The following DESI1 variants were observed in gnomAD, a reference collection of about 807,000 sequenced individuals.
DESI1 encodes the protein desumoylating isopeptidase 1.
Under a neutral mutation model 22.4 loss-of-function variants are expected in DESI1, and 17 were observed. That is an observed-to-expected ratio of 0.76 (90% confidence interval 0.52 to 1.14). The LOEUF (loss-of-function observed/expected upper bound fraction) is 1.14. DESI1 is among the 50% of genes most tolerant of loss of function. The pLI is 0.00. For missense variants in DESI1, 177 were observed against 208.9 expected, an observed-to-expected ratio of 0.85 and a Z score of 0.94; for synonymous variants, 92 against 84.2, an observed-to-expected ratio of 1.09 and a Z score of -0.51.
rs1008401022 is a variant in DESI1 at position 41,607,161 on chromosome 22, AG to A, written c.180+100del. 2.6e-6 allele frequency: 3 copies of A among 1,132,272 alleles called. No homozygotes were observed. The African/African-American group carries it at 4.8e-5, about 18-fold the overall frequency. 70.1% of individuals were successfully genotyped at this position (1,132,272 alleles called of 1,614,324 possible). A position where few individuals can be genotyped will look rare whatever the true frequency, so the allele number is the denominator to read the frequency against. On this transcript the variant is annotated intron_variant, in intron 3 of 5. Coordinates refer to ENST00000263256, the MANE Select transcript of DESI1 (RefSeq NM_015704.3). ...TGAGCCAAGTCTTCAGGTGGCTTTG[AG>A]GAACAATGCCAGAAGTCCATAGTAG...
chr22:41,617,839 T>A (rs569438106), intron 1 of DESI1, among the ~76,000 whole-genome samples: 1 of 152,078 alleles, frequency 6.6e-6, no homozygotes, highest in African/African-American at 2.4e-5. Context: ...AGGGGGCAGG[T>A]CTATTACTCC....
intron 1 of DESI1, among the ~76,000 whole-genome samples, chr22:41,613,323 C>T (rs775316066): frequency 2.6e-5 from 4 of 152,274 alleles, no homozygotes; most frequent in African/African-American, 7.2e-5. Context: ...TTAAAAGAGA[C>T]GATACATGAC....
Position 41,620,777 on chromosome 22 carries a change from G to T in DESI1, c.63C>A (p.Ala21=). 6.2e-7 allele frequency: 1 copy of T among 1,612,320 alleles called. No individual in the cohort carries two copies. Among genetic ancestry groups the T allele is most frequent in the Non-Finnish European group, 8.5e-7 (1 of 1,179,240 alleles). The part of the protein sequence containing the change: ...LYVYDLSKGL[A]RRLSPIMLGK... ...CCAGCATGATGGGGCTGAGCCGCCG[G>T]GCCAGGCCTTTGGACAGGTCGTACA... The change falls in exon 1 of 6, where the codon GCC becomes GCA. Residue 21 remains alanine, a synonymous_variant. Transcript: ENST00000263256.
At chr22:41,608,554 A>G (rs747640005) in intron 1 of DESI1, among the ~76,000 whole-genome samples, 1 of 152,194 alleles carries the variant, frequency 6.6e-6, no homozygotes, top group Non-Finnish European at 1.5e-5. Flanking sequence ...AGATGTGCAC[A>G]TGCATGGCTG....
In DESI1 at chr22:41,601,008, T is replaced by C. The variant is rs1601506975; in HGVS notation, c.*89A>G. 2.5e-6 allele frequency: 3 copies of C among 1,224,130 alleles called. No individual in the cohort carries two copies. Among genetic ancestry groups the C allele is most frequent in the Non-Finnish European group, 3.5e-6 (3 of 856,518 alleles). 75.8% of individuals were successfully genotyped at this position (1,224,130 alleles called of 1,614,324 possible). A position where few individuals can be genotyped will look rare whatever the true frequency, so the allele number is the denominator to read the frequency against. ...GCCGTCCCCTGGTTGTTAGCTCTGA[T>C]GTAAAATTATAAAATAGAAATCTGG... On this transcript the variant is annotated 3_prime_UTR_variant, in exon 6 of 6. Coordinates refer to ENST00000263256, the MANE Select transcript of DESI1 (RefSeq NM_015704.3).
chr22:41,609,227 C>T (rs918077810), intron 1 of DESI1, among the ~76,000 whole-genome samples: 1 of 152,166 alleles, frequency 6.6e-6, no homozygotes, highest in Non-Finnish European at 1.5e-5. Flanking sequence ...CAGGCATGAG[C>T]CACCACACAC....
chr22:41,614,306 G>T (rs2067536528), intron 1 of DESI1, among the ~76,000 whole-genome samples: 1 of 152,050 alleles, frequency 6.6e-6, no homozygotes, highest in African/African-American at 2.4e-5. Flanking sequence ...AAAGTGCAGG[G>T]ATTACAGGGG....
At chr22:41,607,191 C>T in intron 3 of DESI1, 71 bp downstream of exon 3, 1 of 1,417,946 alleles carries the variant, frequency 7.1e-7, no homozygotes, top group East Asian at 2.5e-5. Flanking sequence ...ATAGTAGAAG[C>T]AAAGCTCCTG....
In DESI1 at chr22:41,600,723, T is replaced by G; in HGVS notation, c.*374A>C. 5.1e-6 allele frequency: 1 copy of G among 196,472 alleles called. No homozygotes were observed. The highest frequency in any genetic ancestry group is 1.1e-5 in the Non-Finnish European group (1 of 93,116). The allele number at this position is 196,472 out of a possible 1,614,324, so 12.2% of individuals were successfully genotyped here. A position where few individuals can be genotyped will look rare whatever the true frequency, so the allele number is the denominator to read the frequency against. On this transcript the variant is annotated 3_prime_UTR_variant, in exon 6 of 6. Transcript: ENST00000263256. ...CTGGGTCCCACAGGTGTTGGCAACT[T>G]GGGTAGAGCGTGAGTGTTCTCTGGA...
chr22:41,607,418 G>A, intron 2 of DESI1, 87 bp from the exon 3 acceptor site: 1 of 1,335,374 alleles, frequency 7.5e-7, no homozygotes, highest in South Asian at 1.4e-5. Context: ...AGTAATTTCT[G>A]CCCAAGGATA....
At chr22:41,614,237 C>T (rs1426408903) in intron 1 of DESI1, among the ~76,000 whole-genome samples, 1 of 151,660 alleles carries the variant, frequency 6.6e-6, no homozygotes, top group East Asian at 2.0e-4. Flanking sequence ...GGGGTTTCTC[C>T]ATGCTGGCCA....
chr22:41,598,523 G>A lies in DESI1; in HGVS notation c.*2574C>T, dbSNP rs1174421864. 1 of 152,398 alleles carries A rather than the reference G, an allele frequency of 6.6e-6. No homozygotes were observed. Among genetic ancestry groups the A allele is most frequent in the Non-Finnish European group, 1.5e-5 (1 of 68,182 alleles). The allele number at this position is 152,398 out of a possible 1,614,324, so 9.4% of individuals were successfully genotyped here. ...GGCACAAATGGCTGCTAGTATAAAG[G>A]GGGGTGCTGTTCAAGGAAATGAGTG... On this transcript the variant is annotated 3_prime_UTR_variant, in exon 6 of 6. Coordinates refer to ENST00000263256, the MANE Select transcript of DESI1 (RefSeq NM_015704.3).
At position 41,599,692 on chromosome 22, in the gene DESI1, T is replaced by G. The variant is rs898587357; in HGVS notation, c.*1405A>C. 2 of 152,054 alleles carry G rather than the reference T, an allele frequency of 1.3e-5. No individual in the cohort carries two copies. Among genetic ancestry groups the G allele is most frequent in the Admixed American group, 6.6e-5 (1 of 15,260 alleles). The allele number at this position is 152,054 out of a possible 1,614,324, so 9.4% of individuals were successfully genotyped here. On this transcript the variant is annotated 3_prime_UTR_variant, in exon 6 of 6. Coordinates refer to ENST00000263256, the MANE Select transcript of DESI1 (RefSeq NM_015704.3). ...CTCCTGCCTCAGCCTCCCGAGTAGC[T>G]GGGACTACAGGCATGCGCCACCATG...
intron 1 of DESI1, among the ~76,000 whole-genome samples, chr22:41,620,304 C>T (rs28384699): frequency 0.014 from 2,171 of 152,188 alleles, 44 homozygotes; most frequent in Admixed American, 0.056. Context: ...TCTCCGAGAG[C>T]CACCCGACCT....
At chr22:41,609,656 G>A (rs2067504453) in intron 1 of DESI1, among the ~76,000 whole-genome samples, 1 of 151,642 alleles carries the variant, frequency 6.6e-6, no homozygotes, top group South Asian at 2.1e-4. Context: ...AAACTCTCTG[G>A]GTGTGGTGGC....
rs75386372 is a variant in DESI1 at position 41,603,653 on chromosome 22, C to A, written c.291-272G>T. ...GCAGAACTCTGGTGTTAAGAGTTTA[C>A]CCCCTTACTGAAACTGACTAAAGCC... is the stretch of plus-strand genomic sequence containing the variant. On this transcript the variant is annotated intron_variant, in intron 4 of 5. Coordinates refer to ENST00000263256, the MANE Select transcript of DESI1 (RefSeq NM_015704.3). Among the ~76,000 whole-genome samples the A allele has an allele frequency of 3.4e-3, 524 of 152,296 alleles. 2 individuals carry two copies. Among genetic ancestry groups the A allele is most frequent in the African/African-American group, 0.012 (498 of 41,550 alleles).
At chr22:41,612,026 C>T (rs572028687) in intron 1 of DESI1, among the ~76,000 whole-genome samples, 3 of 152,210 alleles carry the variant, frequency 2.0e-5, no homozygotes, top group East Asian at 1.9e-4. Flanking sequence ...CTGGCTTAAA[C>T]GGTGAACTAA....
chr22:41,613,662 G>T (rs117064001), intron 1 of DESI1, among the ~76,000 whole-genome samples: 2,264 of 152,340 alleles, frequency 0.015, 27 homozygotes, highest in Non-Finnish European at 0.024. Flanking sequence ...AATCTGGGCT[G>T]CCTGGCTTGT....
intron 1 of DESI1, 141 bp from the exon 2 acceptor site, chr22:41,608,002 C>A: frequency 1.2e-6 from 1 of 813,710 alleles, no homozygotes; most frequent in Non-Finnish European, 2.0e-6. Flanking sequence ...AAGTCCCCTC[C>A]AGTAAGGTCT....
Sources: gnomAD v4.1 joint callset for allele counts (sites outside exome capture counted in the v4.1 genomes callset) on GRCh38, gnomAD v4.1.1 for gene constraint, MANE v1.5 for transcripts, NCBI Gene and HGNC (gene_info 2026-07-23, HGNC 2026-07-21) for gene names.